GALK2: variants seen among roughly 807,000 people sequenced by gnomAD.
GALK2 encodes N-acetylgalactosamine kinase.
GALK2 carries 36 observed loss-of-function variants against 52.4 expected under a neutral mutation model. That is an observed-to-expected ratio of 0.69 (90% CI 0.53 to 0.91). The LOEUF (loss-of-function observed/expected upper bound fraction) is 0.91, where lower values mean the gene tolerates loss of function less well. Among genes scored for constraint, GALK2 ranks in the 40% least tolerant of loss-of-function variants. The pLI, the probability that GALK2 is intolerant of heterozygous loss-of-function variation, is 0.00. For missense variants in GALK2, 579 were observed against 559.1 expected (o/e 1.04, Z -0.36); for synonymous variants, 176 against 199.1 (o/e 0.88, Z 0.98).
At chr15:49,247,138 G>C (rs2091391343) in intron 5 of GALK2, among the ~76,000 whole-genome samples, 1 of 152,156 alleles carries the variant, frequency 6.6e-6, no homozygotes, top group Admixed American at 6.5e-5. Context: ...GTGTCAGAGG[G>C]AACAGCAAGT....
intron 5 of GALK2, among the ~76,000 whole-genome samples, chr15:49,266,834 G>A (rs1255285814): frequency 6.6e-6 from 1 of 152,154 alleles, no homozygotes; most frequent in East Asian, 1.9e-4. Flanking sequence ...TGGAGGTAGA[G>A]TGCTAAGAAG....
At chr15:49,230,127 G>A (rs1008803463) in intron 3 of GALK2, among the ~76,000 whole-genome samples, 2 of 152,184 alleles carry the variant, frequency 1.3e-5, no homozygotes, top group African/African-American at 2.4e-5. Context: ...GTGGAGACAG[G>A]AGCTGTTGAT....
At chr15:49,280,481 C>T (rs1272404442) in intron 5 of GALK2, among the ~76,000 whole-genome samples, 3 of 152,068 alleles carry the variant, frequency 2.0e-5, no homozygotes, top group African/African-American at 7.2e-5. Context: ...ATGGCTGGAG[C>T]TTAGGATTTA....
Position 49,366,583 on chromosome 15 carries a change from TC to T in GALK2, c.427-906del. ...TGCAGTAGTCCTTGGATGTGCCATT[TC>T]CAGACGCATGCAAGATTGCTTCCTG... is the stretch of plus-strand genomic sequence containing the variant. On this transcript the variant is annotated intron_variant, in intron 3 of 3. Coordinates refer to the GALK2 transcript ENST00000558399. 3 of 1,599,380 alleles carry T rather than the reference TC, an allele frequency of 1.9e-6. No homozygotes were observed. The Admixed American group carries it at 5.0e-5, about 27-fold the overall frequency.
At chr15:49,365,238 A>G (rs563823117) in intron 3 of GALK2, 2 of 1,088,220 alleles carry the variant, frequency 1.8e-6, no homozygotes, top group Admixed American at 3.4e-5. Flanking sequence ...ATTTCCTTAC[A>G]TTTCCAGGCA....
chr15:49,365,667 T>G (rs1202882650), intron 3 of GALK2: 1 of 1,036,160 alleles, frequency 9.7e-7, no homozygotes, highest in African/African-American at 1.6e-5. Context: ...GTATCACACA[T>G]GACTTGAAGC....
intron 3 of GALK2, chr15:49,365,089 A>G: frequency 1.6e-6 from 1 of 622,024 alleles, no homozygotes; most frequent in South Asian, 2.2e-5. Context: ...TTTGTAGAAA[A>G]TCAATGACAC....
At chr15:49,173,390 C>A (rs928166531) in intron 1 of GALK2, among the ~76,000 whole-genome samples, 3 of 152,116 alleles carry the variant, frequency 2.0e-5, no homozygotes, top group Non-Finnish European at 4.4e-5. Context: ...ATTCTTGAGT[C>A]TCTATTCTAC....
rs1015611805 is a variant in GALK2, at chr15:49,221,660, C to T, written c.266+4347C>T. ...CCAGCCTGGGCAACAAGAGCAAAAT[C>T]TCTGTCTTGAAAAAAATAAAAAAAT... is the stretch of plus-strand genomic sequence containing the variant. On this transcript the variant is annotated intron_variant, in intron 3 of 9. Coordinates refer to ENST00000560031, the MANE Select transcript of GALK2 (RefSeq NM_002044.4). Among the ~76,000 whole-genome samples, 7 of 151,542 alleles carry T rather than the reference C, an allele frequency of 4.6e-5. 1 individual carries two copies. The South Asian group carries it at 1.3e-3, about 27-fold the overall frequency.
intron 7 of GALK2, 118 bp downstream of exon 7, chr15:49,283,836 C>T (rs773451207): frequency 5.8e-5 from 56 of 966,424 alleles, no homozygotes; most frequent in Non-Finnish European, 8.3e-5. Context: ...GACTGCACAG[C>T]ATTCCAACTG....
rs1435419351 is a variant in GALK2, at chr15:49,179,179, A to G, written c.53+8804A>G. 3.3e-5 allele frequency among the ~76,000 whole-genome samples: 5 copies of G among 152,210 alleles called. No individual in the cohort carries two copies. The East Asian group carries it at 7.7e-4, about 23-fold the overall frequency. Reference sequence around the variant, plus strand: ...CAATCTTTGAAATTCCATCTCTAACATATATTAAATTCTCAAATATAACAG... The same window carrying G: ...CAATCTTTGAAATTCCATCTCTAACGTATATTAAATTCTCAAATATAACAG... On this transcript the variant is annotated intron_variant, in intron 1 of 9. Coordinates refer to ENST00000560031, the MANE Select transcript of GALK2 (RefSeq NM_002044.4).
chr15:49,272,879 C>T (rs960445890), intron 5 of GALK2, among the ~76,000 whole-genome samples: 2 of 152,176 alleles, frequency 1.3e-5, no homozygotes, highest in Admixed American at 6.5e-5. Flanking sequence ...CTGGGTCCCT[C>T]TGTGACTTGG....
intron 3 of GALK2, among the ~76,000 whole-genome samples, chr15:49,352,736 A>G (rs947325884): frequency 2.0e-5 from 3 of 152,186 alleles, no homozygotes; most frequent in African/African-American, 7.2e-5. Flanking sequence ...GCGCACTTCA[A>G]GACCCTTGGT....
At chr15:49,357,087 G>A (rs1438466534) in intron 3 of GALK2, among the ~76,000 whole-genome samples, 4 of 151,398 alleles carry the variant, frequency 2.6e-5, no homozygotes, top group South Asian at 2.1e-4. Context: ...TCAAAGCAGT[G>A]TGTAGAGGGA....
At chr15:49,280,517 T>C (rs944617754) in intron 5 of GALK2, among the ~76,000 whole-genome samples, 5 of 152,148 alleles carry the variant, frequency 3.3e-5, no homozygotes, top group African/African-American at 1.2e-4. Context: ...GAGAGCAGGC[T>C]GGAGAAGTGC....
chr15:49,267,511 G>A (rs2092400038), intron 5 of GALK2, among the ~76,000 whole-genome samples: 1 of 152,122 alleles, frequency 6.6e-6, no homozygotes, highest in Non-Finnish European at 1.5e-5. Flanking sequence ...AGTCCAATGG[G>A]GAATACCAAT....
intron 3 of GALK2, among the ~76,000 whole-genome samples, chr15:49,230,756 A>G (rs11634394): frequency 0.01 from 1,585 of 152,360 alleles, 16 homozygotes; most frequent in Non-Finnish European, 0.018. Flanking sequence ...GAACAAGTAA[A>G]TGAATAAAAT....
chr15:49,339,756 G>A (rs2040383898), intron 3 of GALK2, among the ~76,000 whole-genome samples: 1 of 152,218 alleles, frequency 6.6e-6, no homozygotes, highest in Non-Finnish European at 1.5e-5. Context: ...TCTGTCCCAG[G>A]TAGGTGGGGG....
At chr15:49,267,976 A>G (rs895359613) in intron 5 of GALK2, among the ~76,000 whole-genome samples, 2 of 152,218 alleles carry the variant, frequency 1.3e-5, no homozygotes, top group African/African-American at 4.8e-5. Context: ...TAATGACTGC[A>G]TAGTTCCAGG....
Sources: gnomAD v4.1 joint callset for allele counts (sites outside exome capture counted in the v4.1 genomes callset) on GRCh38, gnomAD v4.1.1 for gene constraint, MANE v1.5 for transcripts, NCBI Gene and HGNC (gene_info 2026-07-23, HGNC 2026-07-21) for gene names.